APP: variants seen among roughly 807,000 people sequenced by gnomAD.
The protein encoded by APP is amyloid beta precursor protein.
APP carries 31 observed loss-of-function variants against 101.4 expected under a neutral mutation model. The ratio of observed to expected loss-of-function variants is 0.31; its 90% CI spans 0.23 to 0.41. The LOEUF is 0.41. Ranked by LOEUF, APP falls within the 10% of genes least tolerant of loss-of-function variation. The pLI is 1.00. For synonymous variants in APP, 366 were observed against 364.4 expected (o/e 1.00, Z -0.05); for missense variants, 839 against 1,003.7 (o/e 0.84, Z 2.22).
At chr21:25,926,194 T>G (rs2039888738) in intron 13 of APP, among the ~76,000 whole-genome samples, 1 of 152,168 alleles carries the variant, frequency 6.6e-6, no homozygotes. Flanking sequence ...AGGAAACAGG[T>G]CAGTAAGTGT....
intron 8 of APP, among the ~76,000 whole-genome samples, chr21:25,985,622 C>G (rs1448815056): frequency 6.6e-6 from 1 of 152,100 alleles, no homozygotes; most frequent in Admixed American, 6.5e-5. Flanking sequence ...GATTGTGGGA[C>G]TTAGCCTCCA....
intron 11 of APP, among the ~76,000 whole-genome samples, chr21:25,969,851 A>AAAGAC: frequency 1.3e-5 from 1 of 77,904 alleles, no homozygotes; most frequent in African/African-American, 4.9e-5. Context: ...AAAGAAAAGA[A>AAAGAC]AACAAAAGAA....
At chr21:26,170,308 T>C (rs1360012852) in intron 1 of APP, among the ~76,000 whole-genome samples, 1 of 151,852 alleles carries the variant, frequency 6.6e-6, no homozygotes, top group East Asian at 1.9e-4. Flanking sequence ...CCTACCCTTC[T>C]CGCCCCGGGC....
At chr21:25,932,512 T>C (rs1054299948) in intron 13 of APP, among the ~76,000 whole-genome samples, 5 of 152,186 alleles carry the variant, frequency 3.3e-5, no homozygotes, top group Non-Finnish European at 7.4e-5. Flanking sequence ...TCAGGCCTCA[T>C]ACGAGAGGAT....
At chr21:26,055,965 G>A (rs1446015969) in intron 3 of APP, among the ~76,000 whole-genome samples, 1 of 152,150 alleles carries the variant, frequency 6.6e-6, no homozygotes, top group Non-Finnish European at 1.5e-5. Flanking sequence ...CTGACGACTA[G>A]ATTATAATGC....
chr21:25,891,796 C>T lies in APP; in HGVS notation c.2137G>A (p.Ala713Thr), dbSNP rs63750066. 73 of 1,614,146 alleles carry T rather than the reference C, an allele frequency of 4.5e-5. No homozygotes were observed. Among genetic ancestry groups the T allele is most frequent in the Admixed American group, 4.5e-4 (27 of 60,028 alleles). The change falls in exon 17 of 18, where the codon GCG becomes ACG. Residue 713 changes from alanine to threonine, a missense_variant. Transcript: ENST00000346798. ...ACCAAGGTGATGACGATCACTGTCG[C>T]TATGACAACACCGCCCACCATGAGT... is the stretch of plus-strand genomic sequence containing the variant. Reference protein sequence around the residue: ...IGLMVGGVVIATVIVITLVML... With the variant: ...IGLMVGGVVITTVIVITLVML...
At chr21:26,059,944 C>T (rs1245396356) in intron 3 of APP, among the ~76,000 whole-genome samples, 1 of 135,748 alleles carries the variant, frequency 7.4e-6, no homozygotes, top group African/African-American at 2.7e-5. Context: ...GACTGAGAGA[C>T]TATGTAACAG....
chr21:26,136,173 G>GAA (rs370440645), intron 1 of APP, among the ~76,000 whole-genome samples: 1 of 50,556 alleles, frequency 2.0e-5, no homozygotes, highest in Non-Finnish European at 5.3e-5. Flanking sequence ...AGAAAGAAAA[G>GAA]AAAGAAAGAA....
At chr21:26,043,712 C>T (rs996950015) in intron 5 of APP, among the ~76,000 whole-genome samples, 1 of 152,214 alleles carries the variant, frequency 6.6e-6, no homozygotes, top group Non-Finnish European at 1.5e-5. Context: ...TCAGGTTGTA[C>T]AGGCCTCATA....
At chr21:26,023,112 C>G (rs972074964) in intron 5 of APP, among the ~76,000 whole-genome samples, 21 of 152,174 alleles carry the variant, frequency 1.4e-4, no homozygotes, top group Non-Finnish European at 2.2e-4. Flanking sequence ...GGGATGCCTG[C>G]TGGAACTATT....
At chr21:25,930,420 G>A (rs553102223) in intron 13 of APP, among the ~76,000 whole-genome samples, 13 of 152,156 alleles carry the variant, frequency 8.5e-5, no homozygotes, top group Non-Finnish European at 1.3e-4. Context: ...TGAATTGATG[G>A]AATTTTATAC....
intron 13 of APP, among the ~76,000 whole-genome samples, chr21:25,947,904 C>T (rs1320707951): frequency 6.7e-6 from 1 of 149,400 alleles, no homozygotes; most frequent in Non-Finnish European, 1.5e-5. Context: ...ACTTGGGAGG[C>T]TGAGGCAGGA....
At chr21:26,000,286 G>T in intron 6 of APP, 104 bp from the exon 7 acceptor site, 1 of 1,442,800 alleles carries the variant, frequency 6.9e-7, no homozygotes, top group Non-Finnish European at 9.6e-7. Flanking sequence ...TGGCAACCTG[G>T]ACTGGTTTAT....
rs1337096993 is a variant in APP, at chr21:26,051,008, T to G, written c.654A>C (p.Ala218=). The G allele has an allele frequency of 6.2e-7, 1 of 1,614,202 alleles. No individual in the cohort carries two copies. Among genetic ancestry groups the G allele is most frequent in the Non-Finnish European group, 8.5e-7 (1 of 1,180,036 alleles). ...VWWGGADTDY[A]DGSEDKVVEV... is the part of the protein sequence containing the mutation. ...CACAAAGGCCACCTTACCTCCCATC[T>G]GCATAGTCTGTGTCTGCTCCGCCCC... Residue 218 remains alanine, a synonymous_variant, in exon 5 of 18, where the codon GCA becomes GCC. Transcript: ENST00000346798.
chr21:25,947,559 T>G (rs1364872411), intron 13 of APP, among the ~76,000 whole-genome samples: 1 of 152,232 alleles, frequency 6.6e-6, no homozygotes, highest in Admixed American at 6.5e-5. Context: ...AGAAATTGTC[T>G]TGGGTCAAAG....
In APP at chr21:26,060,204, A is replaced by T. The variant is rs185921567; in HGVS notation, c.356-6856T>A. On this transcript the variant is annotated intron_variant, in intron 3 of 17. Coordinates refer to ENST00000346798, the MANE Select transcript of APP (RefSeq NM_000484.4). ...CACCTACTGAAGACACTGGGGTTTT[A>T]TATGTTCATTGCACCATCACCACCT... is the stretch of plus-strand genomic sequence containing the variant. 5.9e-5 allele frequency among the ~76,000 whole-genome samples: 9 copies of T among 152,330 alleles called. No homozygotes were observed. The East Asian group carries it at 1.7e-3, about 29-fold the overall frequency.
chr21:25,909,295 T>C (rs923651001), intron 14 of APP, among the ~76,000 whole-genome samples: 2 of 151,262 alleles, frequency 1.3e-5, no homozygotes, highest in African/African-American at 2.4e-5. Flanking sequence ...AAAAATTGCT[T>C]AAGTGGCTTT....
chr21:26,062,078 C>T (rs1013283216), intron 3 of APP, among the ~76,000 whole-genome samples: 1 of 151,876 alleles, frequency 6.6e-6, no homozygotes, highest in East Asian at 1.9e-4. Context: ...AGCATGTTGG[C>T]GCGCACCTAT....
Position 25,954,624 on chromosome 21 carries a change from C to T in APP, c.1653G>A (p.Val551=), listed in dbSNP as rs753839018. Residue 551 remains valine (V), a synonymous_variant, in exon 13 of 18, where the codon GTG becomes GTA. Transcript: ENST00000346798. ...MNQSLSLLYN[V]PAVAEEIQDE... is the part of the protein sequence containing the mutation. Reference sequence around the variant, plus strand: ...CCTGAATCTCCTCGGCCACTGCAGGCACGTTGTAGAGCAGGGAGAGAGACT... The same window carrying T: ...CCTGAATCTCCTCGGCCACTGCAGGTACGTTGTAGAGCAGGGAGAGAGACT... 10 of 1,614,128 alleles carry T rather than the reference C, an allele frequency of 6.2e-6. No homozygotes were observed. The highest frequency in any genetic ancestry group is 5.0e-5 in the Admixed American group (3 of 60,016).
Sources: allele counts gnomAD v4.1 joint callset (sites outside exome capture counted in the v4.1 genomes callset), GRCh38; gene constraint gnomAD v4.1.1; transcripts MANE v1.5; gene names NCBI Gene and HGNC (gene_info 2026-07-23, HGNC 2026-07-21).